Variants in TRIO observed in about 807,000 individuals in gnomAD.
TRIO encodes the protein triple functional domain protein.
In TRIO, 58 loss-of-function variants were observed where a neutral mutation model predicts 351.9. That is an observed-to-expected ratio of 0.16 (90% CI 0.13 to 0.21). The LOEUF is 0.21. Ranked by LOEUF, TRIO falls within the 10% of genes least tolerant of loss-of-function variation. The pLI, the probability that TRIO is intolerant of heterozygous loss-of-function variation, is 1.00. For missense variants in TRIO, 3,201 were observed against 4,027.8 expected, an observed-to-expected ratio of 0.79 and a Z score of 5.56; for synonymous variants, 1,758 against 1,595.7, an observed-to-expected ratio of 1.10 and a Z score of -2.42.
chr5:14,265,720 G>C (rs1048768212), intron 1 of TRIO, among the ~76,000 whole-genome samples: 2 of 152,314 alleles, frequency 1.3e-5, no homozygotes, highest in African/African-American at 4.8e-5. Flanking sequence ...TCTCTTTGCA[G>C]GGTTTCAGGA....
At chr5:14,495,739 C>T (rs930697157) in intron 49 of TRIO, among the ~76,000 whole-genome samples, 15 of 147,086 alleles carry the variant, frequency 1.0e-4, no homozygotes, top group East Asian at 2.0e-4. Context: ...GAGGCCAAGA[C>T]GGGTGGATCA....
chr5:14,406,727 A>C, intron 33 of TRIO, 55 bp downstream of exon 33: 1 of 1,544,922 alleles, frequency 6.5e-7, no homozygotes, highest in Non-Finnish European at 8.9e-7. Flanking sequence ...GTCTCTGGTC[A>C]AAGCAGCCCC....
chr5:14,401,272 A>G (rs139970034), intron 31 of TRIO, among the ~76,000 whole-genome samples: 101 of 152,302 alleles, frequency 6.6e-4, no homozygotes, highest in African/African-American at 2.3e-3. Flanking sequence ...TTAAACTTTC[A>G]CTTGACTCCT....
rs1420699280 is a variant in TRIO, at chr5:14,461,134, G to A, written c.5319G>A (p.Leu1773=). The A allele has an allele frequency of 6.4e-7, 1 of 1,556,394 alleles. No individual in the cohort carries two copies. Among genetic ancestry groups the A allele is most frequent in the Non-Finnish European group, 8.7e-7 (1 of 1,150,802 alleles). Residue 1773 remains leucine (L), a synonymous_variant, in exon 35 of 57, where the codon CTG becomes CTA. Transcript: ENST00000344204. ...GCCCCAAGCGGCCGGGCAACACCCTGCGCAAGTGGCTCACCAGCCCCGTGC... is the reference window on the plus strand; with the variant it reads ...GCCCCAAGCGGCCGGGCAACACCCTACGCAAGTGGCTCACCAGCCCCGTGC... The part of the protein sequence containing the change: ...SPGPKRPGNT[L]RKWLTSPVRR...
At chr5:14,204,912 A>G (rs765608914) in intron 1 of TRIO, among the ~76,000 whole-genome samples, 16 of 152,186 alleles carry the variant, frequency 1.1e-4, no homozygotes, top group Non-Finnish European at 2.2e-4. Flanking sequence ...GCCTGCCACC[A>G]TGTATACACT....
Position 14,508,937 on chromosome 5 carries a change from C to T in TRIO, c.*515C>T, listed in dbSNP as rs777582447. Reference sequence around the variant, plus strand: ...CTCACGCCCGACGTGGCTTCTGAAACGTGCATTCAACCTCAAACTTTTGCA... The same window carrying T: ...CTCACGCCCGACGTGGCTTCTGAAATGTGCATTCAACCTCAAACTTTTGCA... On this transcript the variant is annotated 3_prime_UTR_variant, in exon 57 of 57. Transcript: ENST00000344204. 1.8e-5 allele frequency: 3 copies of T among 163,068 alleles called. No homozygotes were observed. Among genetic ancestry groups the T allele is most frequent in the African/African-American group, 4.8e-5 (2 of 41,600 alleles). 10.1% of individuals were successfully genotyped at this position (163,068 alleles called of 1,614,324 possible).
rs971132384 is a variant in TRIO, at chr5:14,488,217, C to T, written c.7589C>T (p.Ser2530Phe). 5.0e-6 allele frequency: 8 copies of T among 1,591,180 alleles called. No individual in the cohort carries two copies. The highest frequency in any genetic ancestry group is 1.1e-5 in the South Asian group (1 of 89,616). ...GKDTDRMSTC[S>F]SASEQSVQST... is the part of the protein sequence containing the mutation. ...GATACTGACCGCATGAGCACGTGCTCCTCGGCCAGCGAGCAGTCCGTGCAG... is the reference window on the plus strand; with the variant it reads ...GATACTGACCGCATGAGCACGTGCTTCTCGGCCAGCGAGCAGTCCGTGCAG... The change falls in exon 48 of 57, where the codon TCC becomes TTC. Residue 2530 changes from serine to phenylalanine, a missense_variant. This residue lies in a region of TRIO where 1,089 missense variants were observed against 954.9 expected (regional missense o/e 1.14). Coordinates refer to ENST00000344204, the MANE Select transcript of TRIO (RefSeq NM_007118.4).
Position 14,275,517 on chromosome 5 carries a change from A to T in TRIO, c.232+4618A>T, listed in dbSNP as rs552904035. Among the ~76,000 whole-genome samples, 32 of 152,038 alleles carry T rather than the reference A, an allele frequency of 2.1e-4. No homozygotes were observed. In the South Asian group the frequency reaches 5.0e-3, roughly 24 times the overall value. On this transcript the variant is annotated intron_variant, in intron 2 of 56. Coordinates refer to ENST00000344204, the MANE Select transcript of TRIO (RefSeq NM_007118.4). ...AATAGTTAAAAGTTAAGGTATGGTT[A>T]AAAAAAATCTAGTTTTTGTGTTTGC...
chr5:14,417,967 G>A (rs750517809), intron 33 of TRIO, among the ~76,000 whole-genome samples: 3 of 152,230 alleles, frequency 2.0e-5, no homozygotes, highest in Non-Finnish European at 2.9e-5. Flanking sequence ...GGGTGACTGT[G>A]CCCAGCCCCA....
intron 1 of TRIO, among the ~76,000 whole-genome samples, chr5:14,258,458 A>T (rs1343598275): frequency 6.6e-6 from 1 of 152,130 alleles, no homozygotes; most frequent in African/African-American, 2.4e-5. Context: ...TTGGAAAACG[A>T]TGTTCCCTGT....
chr5:14,146,707 C>T (rs566281625), intron 1 of TRIO, among the ~76,000 whole-genome samples: 1 of 152,294 alleles, frequency 6.6e-6, no homozygotes, highest in African/African-American at 2.4e-5. Flanking sequence ...GAGAGGGGTC[C>T]GGGAGATGAC....
chr5:14,151,821 C>T (rs989353297), intron 1 of TRIO, among the ~76,000 whole-genome samples: 1 of 152,172 alleles, frequency 6.6e-6, no homozygotes, highest in Non-Finnish European at 1.5e-5. Flanking sequence ...TTGGCATTTG[C>T]ATTCTGAAAG....
intron 1 of TRIO, among the ~76,000 whole-genome samples, chr5:14,257,936 C>T (rs1414872100): frequency 1.3e-5 from 2 of 152,218 alleles, no homozygotes; most frequent in Non-Finnish European, 2.9e-5. Flanking sequence ...ACAACTGCTA[C>T]TGTTAGCATT....
chr5:14,433,960 T>C (rs1751388816), intron 34 of TRIO, among the ~76,000 whole-genome samples: 1 of 152,246 alleles, frequency 6.6e-6, no homozygotes, highest in South Asian at 2.1e-4. Flanking sequence ...CTTAAGTATA[T>C]TTCTAGTCTT....
intron 11 of TRIO, among the ~76,000 whole-genome samples, chr5:14,342,718 C>T (rs1216302705): frequency 1.3e-5 from 2 of 152,278 alleles, no homozygotes; most frequent in South Asian, 2.1e-4. Flanking sequence ...GTTGATGAGT[C>T]GTCTGTCATT....
At chr5:14,314,441 A>G (rs946216442) in intron 8 of TRIO, among the ~76,000 whole-genome samples, 3 of 152,222 alleles carry the variant, frequency 2.0e-5, no homozygotes, top group Admixed American at 2.0e-4. Context: ...GTCATGTGGC[A>G]TCTTGGTGAT....
intron 1 of TRIO, among the ~76,000 whole-genome samples, chr5:14,243,902 G>C (rs1248087912): frequency 6.6e-6 from 1 of 152,188 alleles, no homozygotes; most frequent in Non-Finnish European, 1.5e-5. Flanking sequence ...TTGCTGTTCA[G>C]CAAACTAGCT....
intron 34 of TRIO, among the ~76,000 whole-genome samples, chr5:14,443,538 G>A (rs962112412): frequency 6.6e-6 from 1 of 152,206 alleles, no homozygotes; most frequent in African/African-American, 2.4e-5. Flanking sequence ...TAACTTTACA[G>A]TGCCCATGAA....
At chr5:14,416,420 T>G (rs912673509) in intron 33 of TRIO, among the ~76,000 whole-genome samples, 1 of 152,014 alleles carries the variant, frequency 6.6e-6, no homozygotes, top group Non-Finnish European at 1.5e-5. Flanking sequence ...AAAACACCCA[T>G]TTAATCCTCC....
Sources: allele counts gnomAD v4.1 joint callset (sites outside exome capture counted in the v4.1 genomes callset), GRCh38; gene constraint gnomAD v4.1.1; regional missense constraint gnomAD v4.1.1; transcripts MANE v1.5; gene names NCBI Gene and HGNC (gene_info 2026-07-23, HGNC 2026-07-21).